Variants in IFNLR1 observed in about 807,000 individuals in gnomAD.
IFNLR1 encodes the protein CRF2-12.
Under a neutral mutation model 52.5 loss-of-function variants are expected in IFNLR1, and 28 were observed. The observed-to-expected ratio is 0.53, with a 90% confidence interval of 0.40 to 0.73. The LOEUF (loss-of-function observed/expected upper bound fraction) is 0.73. IFNLR1 is among the 30% of genes least tolerant of loss of function. IFNLR1 has a pLI of 0.00. For missense variants in IFNLR1, 623 were observed against 659.1 expected, an observed-to-expected ratio of 0.95 and a Z score of 0.60; for synonymous variants, 276 against 274.9, an observed-to-expected ratio of 1.00 and a Z score of -0.04.
chr1:24,175,316 G>T (rs1007554457), intron 2 of IFNLR1, among the ~76,000 whole-genome samples: 1 of 152,206 alleles, frequency 6.6e-6, no homozygotes, highest in Non-Finnish European at 1.5e-5. Context: ...TAGGGCTGCC[G>T]CCCCAGTGGG....
chr1:24,173,817 T>G (rs1464898115), intron 2 of IFNLR1, among the ~76,000 whole-genome samples: 1 of 137,448 alleles, frequency 7.3e-6, no homozygotes, highest in Admixed American at 7.8e-5. Flanking sequence ...CCTGGCTAAT[T>G]TTGAAAATTT....
intron 2 of IFNLR1, among the ~76,000 whole-genome samples, chr1:24,170,426 T>C (rs1416673940): frequency 2.0e-5 from 3 of 152,176 alleles, no homozygotes; most frequent in Non-Finnish European, 4.4e-5. Context: ...AGTGGCATGA[T>C]CTTGGCTCAC....
intron 2 of IFNLR1, among the ~76,000 whole-genome samples, chr1:24,177,397 C>T (rs769213066): frequency 1.3e-5 from 2 of 152,168 alleles, no homozygotes; most frequent in Non-Finnish European, 2.9e-5. Flanking sequence ...CGAGAGCCCC[C>T]AGCAAACCAC....
chr1:24,166,995 C>T (rs539686107), intron 3 of IFNLR1, among the ~76,000 whole-genome samples: 3 of 152,286 alleles, frequency 2.0e-5, no homozygotes, highest in South Asian at 2.1e-4. Flanking sequence ...ACATTTTAAT[C>T]GGCAGATTTG....
At chr1:24,178,528 G>T (rs1644657558) in intron 2 of IFNLR1, among the ~76,000 whole-genome samples, 1 of 152,112 alleles carries the variant, frequency 6.6e-6, no homozygotes, top group South Asian at 2.1e-4. Flanking sequence ...GTTAAATCTG[G>T]AAAGATTTAA....
chr1:24,157,562 G>T lies in IFNLR1; in HGVS notation c.1131C>A (p.Ser377Arg), dbSNP rs758373936. 3.7e-6 allele frequency: 6 copies of T among 1,612,022 alleles called. No homozygotes were observed. Among genetic ancestry groups the T allele is most frequent in the Non-Finnish European group, 5.1e-6 (6 of 1,179,100 alleles). Residue 377 changes from serine to arginine, a missense_variant, in exon 7 of 7, where the codon AGC becomes AGA. Transcript: ENST00000327535. The surrounding 1 kb of genome is among the most constrained non-coding windows in gnomAD (Gnocchi z 5.1). ...AAGAATCCCAAGCAGAGGAGCCTTCGCTTGGGACCAGAGGAGCCCTGGGCC... is the reference window on the plus strand; with the variant it reads ...AAGAATCCCAAGCAGAGGAGCCTTCTCTTGGGACCAGAGGAGCCCTGGGCC... ...SGRPRAPLVP[S>R]EGSSAWDSSD...
chr1:24,159,831 A>G (rs113064709), intron 4 of IFNLR1, among the ~76,000 whole-genome samples, 198 bp from the exon 5 acceptor site: 14,468 of 149,684 alleles, frequency 0.097, 877 homozygotes, highest in African/African-American at 0.17. Flanking sequence ...GCAGCCTCAA[A>G]CTCCTGGGCT....
chr1:24,187,096 C>T, intron 1 of IFNLR1, 95 bp downstream of exon 1: 1 of 804,046 alleles, frequency 1.2e-6, no homozygotes, highest in Non-Finnish European at 1.8e-6. Context: ...GGCTGCGGAC[C>T]CCGTGCCTGT....
At chr1:24,166,423 C>A (rs181510680) in intron 3 of IFNLR1, among the ~76,000 whole-genome samples, 2 of 152,294 alleles carry the variant, frequency 1.3e-5, no homozygotes, top group African/African-American at 2.4e-5. Flanking sequence ...CTCCTTCCTT[C>A]CTTCCTTGCT....
chr1:24,169,289 C>G, intron 3 of IFNLR1, 128 bp downstream of exon 3: 1 of 841,196 alleles, frequency 1.2e-6, no homozygotes, highest in Non-Finnish European at 1.8e-6. Context: ...GGGCCTGGCC[C>G]AGGGAGCTGC....
In IFNLR1 at chr1:24,157,058, T is replaced by C; in HGVS notation, c.*72A>G. 6.6e-7 allele frequency: 1 copy of C among 1,512,190 alleles called. No individual in the cohort carries two copies. The highest frequency in any genetic ancestry group is 2.3e-5 in the East Asian group (1 of 44,112). The allele number at this position is 1,512,190 out of a possible 1,614,324, so 93.7% of individuals were successfully genotyped here. ...CAGGGGAGGTACGGAGGCTCTTGAG[T>C]TTCTTGGGAAGCCCAGTAGTCCTTG... On this transcript the variant is annotated 3_prime_UTR_variant, in exon 7 of 7. Transcript: ENST00000327535. The surrounding 1 kb of genome is among the most constrained non-coding windows in gnomAD (Gnocchi z 5.1).
Position 24,159,072 on chromosome 1 carries a change from C to A in IFNLR1, c.781G>T (p.Ala261Ser), listed in dbSNP as rs777168928. ...TATACCAGGGCCCGTGGCATCTTTG[C>A]CCGCTGAAACCAGGGGTTCCCCATG... ...TLMGNPWFQR[A>S]KMPRALDFSG... Residue 261 changes from alanine to serine, a missense_variant, in exon 6 of 7, where the codon GCA becomes TCA. Transcript: ENST00000327535. 6.2e-7 allele frequency: 1 copy of A among 1,614,150 alleles called. No individual in the cohort carries two copies. Among genetic ancestry groups the A allele is most frequent in the South Asian group, 1.1e-5 (1 of 91,080 alleles).
chr1:24,161,837 C>T (rs369857792), intron 3 of IFNLR1, among the ~76,000 whole-genome samples, 153 bp from the exon 4 acceptor site: 25 of 152,300 alleles, frequency 1.6e-4, no homozygotes, highest in African/African-American at 6.0e-4. Flanking sequence ...TTATTTCAGC[C>T]TTGCACTGAC....
At position 24,159,483 on chromosome 1, in the gene IFNLR1, C is replaced by T; in HGVS notation, c.661G>A (p.Glu221Lys). ...ACCACTTGATACCCACCTGGGACCTCCAGCAAGAAGCAGGTGGGCTTAGAG... is the reference window on the plus strand; with the variant it reads ...ACCACTTGATACCCACCTGGGACCTTCAGCAAGAAGCAGGTGGGCTTAGAG... ...KFSKPTCFLL[E>K]VPEANWAFLV... is the part of the protein sequence containing the mutation. Residue 221 changes from glutamate to lysine, a missense_variant, in exon 5 of 7, where the codon GAG becomes AAG. Coordinates refer to ENST00000327535, the MANE Select transcript of IFNLR1 (RefSeq NM_170743.4). The T allele has an allele frequency of 6.2e-7, 1 of 1,614,098 alleles. No individual in the cohort carries two copies. The highest frequency in any genetic ancestry group is 8.5e-7 in the Non-Finnish European group (1 of 1,179,962).
In IFNLR1 at chr1:24,156,307, C is replaced by G. The variant is rs928213767; in HGVS notation, c.*823G>C. 5.9e-5 allele frequency: 9 copies of G among 152,344 alleles called. No individual in the cohort carries two copies. The highest frequency in any genetic ancestry group is 2.2e-4 in the African/African-American group (9 of 41,400). The allele number at this position is 152,344 out of a possible 1,614,324, so 9.4% of individuals were successfully genotyped here. ...TTTAGGGGCCACAGGTGGGAGATGC[C>G]CAGGGGTCTCCTGGAGCCTGGATAG... On this transcript the variant is annotated 3_prime_UTR_variant, in exon 7 of 7. Coordinates refer to ENST00000327535, the MANE Select transcript of IFNLR1 (RefSeq NM_170743.4).
At chr1:24,161,742 C>T (rs1178995579) in intron 3 of IFNLR1, 58 bp from the exon 4 acceptor site, 1 of 1,434,790 alleles carries the variant, frequency 7.0e-7, no homozygotes, top group Non-Finnish European at 9.2e-7. Context: ...GCCTCCATCC[C>T]CCAAGACCAG....
At position 24,159,508 on chromosome 1, in the gene IFNLR1, G is replaced by C; in HGVS notation, c.636C>G (p.Phe212Leu). The C allele has an allele frequency of 6.2e-7, 1 of 1,614,182 alleles. No homozygotes were observed. Residue 212 changes from phenylalanine to leucine, a missense_variant, in exon 5 of 7, where the codon TTC becomes TTG. Transcript: ENST00000327535. ...CCAGCAAGAAGCAGGTGGGCTTAGA[G>C]AACTTGCTGTATTTCGGGACACTGA... ...YTFSVPKYSK[F>L]SKPTCFLLEV...
At chr1:24,185,785 AACTT>A (rs1569711304) in intron 1 of IFNLR1, among the ~76,000 whole-genome samples, 1 of 152,300 alleles carries the variant, frequency 6.6e-6, no homozygotes, top group East Asian at 1.9e-4. Context: ...CAGTTAGAGC[AACTT>A]TCCTCTATGA....
rs1274165793 is a variant in IFNLR1 at position 24,162,726 on chromosome 1, T to G, written c.368-1042A>C. 3.1e-4 allele frequency among the ~76,000 whole-genome samples: 2 copies of G among 6,426 alleles called. 1 individual carries two copies. Among genetic ancestry groups the G allele is most frequent in the Admixed American group, 4.0e-3 (2 of 496 alleles). 4.2% of individuals were successfully genotyped at this position (6,426 alleles called of 152,430 possible). A position where few individuals can be genotyped will look rare whatever the true frequency, so the allele number is the denominator to read the frequency against. On this transcript the variant is annotated intron_variant, in intron 3 of 6. Transcript: ENST00000327535. ...CTTTTCTTTTCTTTCTTTCTTTCTT[T>G]TCTTTCTTTCTTTCTTTCTTTCTTT...
Sources: allele counts gnomAD v4.1 joint callset (sites outside exome capture counted in the v4.1 genomes callset), GRCh38; gene constraint gnomAD v4.1.1; non-coding constraint Gnocchi (gnomAD v3.1); transcripts MANE v1.5; gene names NCBI Gene and HGNC (gene_info 2026-07-23, HGNC 2026-07-21).